The following PPP2R2B variants were observed in gnomAD, a reference collection of about 807,000 sequenced individuals.
PPP2R2B encodes the protein serine/threonine-protein phosphatase 2A 55 kDa regulatory subunit B beta isoform.
Under a neutral mutation model 46.0 loss-of-function variants are expected in PPP2R2B, and 5 were observed. That is an observed-to-expected ratio of 0.11 (90% CI 0.06 to 0.23). The LOEUF (loss-of-function observed/expected upper bound fraction) is 0.23, where lower values mean the gene tolerates loss of function less well. Among genes scored for constraint, PPP2R2B ranks in the 10% least tolerant of loss-of-function variants. PPP2R2B has a pLI of 1.00. For missense variants in PPP2R2B, 367 were observed against 575.0 expected (o/e 0.64, Z 3.70); for synonymous variants, 215 against 206.7 (o/e 1.04, Z -0.34).
chr5:146,700,277 A>C (rs192436682), intron 3 of PPP2R2B, among the ~76,000 whole-genome samples: 35 of 152,270 alleles, frequency 2.3e-4, no homozygotes, highest in African/African-American at 8.4e-4. Context: ...TAGAACACAG[A>C]CTGGCCTGCT....
intron 6 of PPP2R2B, among the ~76,000 whole-genome samples, chr5:146,649,181 T>C (rs1448830589): frequency 6.6e-6 from 1 of 152,114 alleles, no homozygotes; most frequent in African/African-American, 2.4e-5. Context: ...GCAGGGCTCA[T>C]GGATAGATGG....
chr5:146,853,763 T>C (rs1010927567), intron 2 of PPP2R2B, among the ~76,000 whole-genome samples: 5 of 152,090 alleles, frequency 3.3e-5, no homozygotes, highest in African/African-American at 1.2e-4. Context: ...GACTTTTTCC[T>C]GAAGTCACCC....
chr5:146,890,257 T>G lies in PPP2R2B; in HGVS notation c.79+165408A>C, dbSNP rs141846352. ...CCTCTTTTCTCCCTTGCCTCTGCTT[T>G]TAAGCCCTGTGATGGGCCAGGGAAG... On this transcript the variant is annotated intron_variant, in intron 1 of 8. Transcript: ENST00000336640. Among the ~76,000 whole-genome samples the G allele has an allele frequency of 1.1e-3, 174 of 152,334 alleles. 1 individual carries two copies. The highest frequency in any genetic ancestry group is 3.4e-3 in the Middle Eastern group (1 of 294).
intron 2 of PPP2R2B, among the ~76,000 whole-genome samples, chr5:146,745,874 C>T (rs989296230): frequency 2.0e-5 from 3 of 152,000 alleles, no homozygotes; most frequent in African/African-American, 7.3e-5. Flanking sequence ...AGGAGAATTG[C>T]TTGAACCCAG....
At chr5:147,030,500 G>A (rs1755731257) in intron 1 of PPP2R2B, among the ~76,000 whole-genome samples, 1 of 151,812 alleles carries the variant, frequency 6.6e-6, no homozygotes. Context: ...TTCAGTTCTA[G>A]AACTAGCCTT....
chr5:146,824,018 C>T (rs1158286952), intron 2 of PPP2R2B, among the ~76,000 whole-genome samples: 1 of 152,204 alleles, frequency 6.6e-6, no homozygotes, highest in East Asian at 1.9e-4. Flanking sequence ...GTACAAACAC[C>T]AAGTGCTCTC....
At chr5:146,910,772 A>G (rs2915835) in intron 1 of PPP2R2B, among the ~76,000 whole-genome samples, 1,615 of 152,306 alleles carry the variant, frequency 0.011, 21 homozygotes, top group Middle Eastern at 0.065. Flanking sequence ...AAGAAAATGT[A>G]TAAAATCATA....
intron 9 of PPP2R2B, chr5:146,592,275 T>C: frequency 3.7e-6 from 1 of 271,970 alleles, no homozygotes; most frequent in South Asian, 3.3e-5. Context: ...ACAGTTCATA[T>C]TCACTGAAAG....
At chr5:147,005,840 TA>T (rs1754412605) in intron 1 of PPP2R2B, among the ~76,000 whole-genome samples, 2 of 151,962 alleles carry the variant, frequency 1.3e-5, no homozygotes, top group African/African-American at 4.8e-5. Flanking sequence ...AAATAGTAAA[TA>T]AAAAACAGTG....
intron 1 of PPP2R2B, among the ~76,000 whole-genome samples, chr5:146,894,481 C>A (rs1422590125): frequency 6.6e-6 from 1 of 152,154 alleles, no homozygotes; most frequent in Non-Finnish European, 1.5e-5. Context: ...GCTCTCTCAC[C>A]TAGGCTGGAG....
chr5:146,785,717 A>G (rs1755792589), intron 2 of PPP2R2B, among the ~76,000 whole-genome samples: 1 of 152,210 alleles, frequency 6.6e-6, no homozygotes, highest in African/African-American at 2.4e-5. Context: ...AAGTTTTGGA[A>G]GTAAATCCTT....
chr5:146,974,504 T>G (rs1752806647), intron 1 of PPP2R2B, among the ~76,000 whole-genome samples: 1 of 152,132 alleles, frequency 6.6e-6, no homozygotes, highest in Non-Finnish European at 1.5e-5. Context: ...CTAGGAGGGC[T>G]CTGTACAACT....
chr5:146,599,055 A>G (rs917543447), intron 8 of PPP2R2B, among the ~76,000 whole-genome samples: 2 of 152,136 alleles, frequency 1.3e-5, no homozygotes, highest in African/African-American at 4.8e-5. Context: ...AACCCCAAAT[A>G]GCTTAAAATA....
intron 7 of PPP2R2B, among the ~76,000 whole-genome samples, chr5:146,606,312 G>A (rs1772264854): frequency 6.6e-6 from 1 of 152,054 alleles, no homozygotes. Context: ...GGGTTAGGAG[G>A]GGCCCAAGAC....
chr5:146,829,522 T>C (rs1158414676), intron 2 of PPP2R2B, among the ~76,000 whole-genome samples: 1 of 152,178 alleles, frequency 6.6e-6, no homozygotes, highest in Non-Finnish European at 1.5e-5. Flanking sequence ...GAGGCACAGA[T>C]AAGGTGGGGC....
chr5:146,866,255 A>G (rs1391009297), intron 2 of PPP2R2B, among the ~76,000 whole-genome samples: 1 of 152,250 alleles, frequency 6.6e-6, no homozygotes, highest in East Asian at 1.9e-4. Flanking sequence ...TTCATAGGCA[A>G]TATGAGATCC....
At chr5:147,071,077 T>C (rs1315209933) in intron 2 of PPP2R2B, among the ~76,000 whole-genome samples, 1 of 152,020 alleles carries the variant, frequency 6.6e-6, no homozygotes, top group African/African-American at 2.4e-5. Flanking sequence ...GATGGAAAAG[T>C]TTCCTTTATT....
chr5:146,642,262 A>G (rs923289638), intron 6 of PPP2R2B, among the ~76,000 whole-genome samples: 1 of 152,170 alleles, frequency 6.6e-6, no homozygotes, highest in Non-Finnish European at 1.5e-5. Context: ...AGACACCAGG[A>G]GGTCACTCCT....
intron 2 of PPP2R2B, among the ~76,000 whole-genome samples, chr5:146,783,209 A>G (rs1755641923): frequency 6.6e-6 from 1 of 152,194 alleles, no homozygotes; most frequent in South Asian, 2.1e-4. Flanking sequence ...TATTCCTAAT[A>G]CAGAAGCATG....
Sources: allele counts gnomAD v4.1 joint callset (sites outside exome capture counted in the v4.1 genomes callset), GRCh38; gene constraint gnomAD v4.1.1; transcripts MANE v1.5; gene names NCBI Gene and HGNC (gene_info 2026-07-23, HGNC 2026-07-21).